Variants in RP1 observed in about 807,000 individuals in gnomAD.
RP1 encodes oxygen-regulated protein 1.
RP1 carries 16 observed loss-of-function variants against 14.8 expected under a neutral mutation model. The observed-to-expected ratio is 1.08, with a 90% CI of 0.73 to 1.65. The LOEUF is 1.65. Ranked by LOEUF, RP1 falls within the 40% of genes most tolerant of loss-of-function variation. RP1 has a pLI of 0.00. For synonymous variants in RP1, 876 were observed against 883.6 expected, an observed-to-expected ratio of 0.99 and a Z score of 0.15; for missense variants, 2,631 against 2,535.0, an observed-to-expected ratio of 1.04 and a Z score of -0.81.
chr8:54,766,445 C>G (rs998212596), intron 22 of RP1, among the ~76,000 whole-genome samples: 23 of 152,078 alleles, frequency 1.5e-4, no homozygotes, highest in African/African-American at 5.3e-4. Context: ...TTTCTGTGCT[C>G]TTCTTTGTCA....
At chr8:54,773,828 G>A (rs935630136), downstream of RP1, among the ~76,000 whole-genome samples, 9 of 152,068 alleles carry the variant, frequency 5.9e-5, no homozygotes, top group African/African-American at 1.9e-4. Flanking sequence ...TGACTTGAGG[G>A]ATTTAAAAAT....
intron 16 of RP1, among the ~76,000 whole-genome samples, chr8:54,724,501 A>C (rs1305621098): frequency 6.6e-6 from 1 of 152,142 alleles, no homozygotes; most frequent in African/African-American, 2.4e-5. Flanking sequence ...TTTTGATAAC[A>C]TCTCTACCTA....
At chr8:54,609,562 A>G (rs1015858152) in intron 1 of RP1, among the ~76,000 whole-genome samples, 4 of 152,188 alleles carry the variant, frequency 2.6e-5, no homozygotes, top group Non-Finnish European at 5.9e-5. Context: ...CAGGTTCTCA[A>G]TGCCCCCCAC....
intron 25 of RP1, among the ~76,000 whole-genome samples, chr8:54,846,942 C>T (rs533648989): frequency 6.6e-6 from 1 of 152,324 alleles, no homozygotes; most frequent in South Asian, 2.1e-4. Flanking sequence ...CCCTTTGGGA[C>T]TGTCACACTG....
chr8:54,695,070 G>A (rs1325908868), intron 12 of RP1, among the ~76,000 whole-genome samples: 5 of 151,984 alleles, frequency 3.3e-5, no homozygotes, highest in South Asian at 2.1e-4. Context: ...CCTTCATTTC[G>A]TTATGCACCC....
chr8:54,731,586 A>T (rs753480952), intron 17 of RP1, among the ~76,000 whole-genome samples: 1 of 152,184 alleles, frequency 6.6e-6, no homozygotes, highest in African/African-American at 2.4e-5. Context: ...ATTCTGCATT[A>T]TAGATTATAT....
In RP1 at chr8:54,627,511, C is replaced by A. The variant is rs1387643759; in HGVS notation, c.3629C>A (p.Ala1210Glu). Residue 1210 changes from alanine (A) to glutamate (E), a missense_variant, in exon 4 of 4, where the codon GCA becomes GAA. Transcript: ENST00000220676. ...GACATGGTTCCAATAGATCTTTCTG[C>A]AAATTGTTCCACGGTCAACATTCAG... ...EQDMVPIDLS[A>E]NCSTVNIQSV... is the part of the protein sequence containing the mutation. The A allele has an allele frequency of 6.2e-7, 1 of 1,614,114 alleles. No homozygotes were observed. Among genetic ancestry groups the A allele is most frequent in the African/African-American group, 1.3e-5 (1 of 75,046 alleles).
chr8:54,713,862 A>G (rs1808343672), intron 15 of RP1, among the ~76,000 whole-genome samples: 1 of 152,226 alleles, frequency 6.6e-6, no homozygotes, highest in Admixed American at 6.5e-5. Flanking sequence ...TGAATTTTCT[A>G]AAAAATGGTC....
chr8:54,651,686 T>A (rs1806657706), intron 4 of RP1, among the ~76,000 whole-genome samples: 1 of 152,210 alleles, frequency 6.6e-6, no homozygotes, highest in South Asian at 2.1e-4. Flanking sequence ...GTTTTATTGA[T>A]GTTTTTAATA....
intron 25 of RP1, among the ~76,000 whole-genome samples, chr8:54,848,782 T>C (rs1811989223): frequency 6.6e-6 from 1 of 152,190 alleles, no homozygotes; most frequent in Admixed American, 6.5e-5. Flanking sequence ...GGAGTATCAC[T>C]CTGTTGCCCA....
chr8:54,825,799 G>C (rs1220790045), intron 24 of RP1, among the ~76,000 whole-genome samples: 1 of 152,100 alleles, frequency 6.6e-6, no homozygotes, highest in Non-Finnish European at 1.5e-5. Context: ...AGATAAAATA[G>C]GATGGCTCAT....
intron 26 of RP1, among the ~76,000 whole-genome samples, chr8:54,855,210 A>G (rs1282160513): frequency 1.3e-5 from 2 of 152,172 alleles, no homozygotes; most frequent in African/African-American, 4.8e-5. Flanking sequence ...CTCAAATTTC[A>G]TGCATGTTGT....
At chr8:54,577,230 G>T (rs112746634) in intron 1 of RP1, among the ~76,000 whole-genome samples, 6,482 of 152,056 alleles carry the variant, frequency 0.043, 432 homozygotes, top group African/African-American at 0.14. Flanking sequence ...TGGTCAACCT[G>T]GTCTCGAACT....
chr8:54,607,547 G>C (rs1805482687), intron 1 of RP1, among the ~76,000 whole-genome samples: 1 of 152,186 alleles, frequency 6.6e-6, no homozygotes, highest in Non-Finnish European at 1.5e-5. Context: ...TGCATGCTGG[G>C]AGAACCACTA....
intron 15 of RP1, among the ~76,000 whole-genome samples, chr8:54,718,918 T>C (rs1808470254): frequency 6.6e-6 from 1 of 152,138 alleles, no homozygotes; most frequent in Non-Finnish European, 1.5e-5. Context: ...TAATAACAGA[T>C]ACAAGACATT....
At chr8:54,754,623 T>C (rs1368158067) in intron 19 of RP1, among the ~76,000 whole-genome samples, 1 of 152,184 alleles carries the variant, frequency 6.6e-6, no homozygotes, top group African/African-American at 2.4e-5. Context: ...TTAAAAGTAA[T>C]AGCAAAATGG....
intron 1 of RP1, among the ~76,000 whole-genome samples, chr8:54,564,504 A>C (rs6473945): frequency 0.81 from 123,473 of 152,136 alleles, 50,843 homozygotes; most frequent in Non-Finnish European, 0.89. Context: ...TTCGCTGTTG[A>C]CACTGTCTCA....
Position 54,804,737 on chromosome 8 carries a change from A to G in RP1, c.3615+21027A>G, listed in dbSNP as rs182805949. On this transcript the variant is annotated intron_variant, in intron 24 of 28. Coordinates refer to the RP1 transcript ENST00000637698. ...AAATAACACAGCACTCATGTGAAACAAAAACTACACAGATGCAAGGATTTG... is the reference window on the plus strand; with the variant it reads ...AAATAACACAGCACTCATGTGAAACGAAAACTACACAGATGCAAGGATTTG... Among the ~76,000 whole-genome samples the G allele has an allele frequency of 4.9e-3, 752 of 152,354 alleles. 20 individuals carry two copies. The highest frequency in any genetic ancestry group is 0.037 in the Admixed American group (563 of 15,302).
intron 27 of RP1, among the ~76,000 whole-genome samples, chr8:54,859,792 T>A (rs1812299509): frequency 1.3e-5 from 2 of 152,198 alleles, no homozygotes; most frequent in African/African-American, 4.8e-5. Flanking sequence ...GATTTCCTGC[T>A]TTTGCCCCAA....
Sources: gnomAD v4.1 joint callset for allele counts (sites outside exome capture counted in the v4.1 genomes callset) on GRCh38, gnomAD v4.1.1 for gene constraint, MANE v1.5 for transcripts, NCBI Gene and HGNC (gene_info 2026-07-23, HGNC 2026-07-21) for gene names.